TBC1D8: variants seen among roughly 807,000 people sequenced by gnomAD.
TBC1D8 encodes the protein TBC1 domain family member 8, also known as BUB2-like protein 1.
TBC1D8 carries 65 observed loss-of-function variants against 118.8 expected under a neutral mutation model. The observed-to-expected ratio is 0.55, with a 90% CI of 0.45 to 0.67. The LOEUF (loss-of-function observed/expected upper bound fraction) is 0.67, where lower values mean the gene tolerates loss of function less well. TBC1D8 is among the 30% of genes least tolerant of loss of function. TBC1D8 has a pLI of 0.00. For synonymous variants in TBC1D8, 566 were observed against 595.8 expected, an observed-to-expected ratio of 0.95 and a Z score of 0.73; for missense variants, 1,376 against 1,471.2, an observed-to-expected ratio of 0.94 and a Z score of 1.06.
intron 13 of TBC1D8, 41 bp downstream of exon 13, chr2:101,028,262 T>C: frequency 6.3e-7 from 1 of 1,590,096 alleles, no homozygotes; most frequent in African/African-American, 1.3e-5. Context: ...TCCCGGGGGG[T>C]TAGGGGCTGC....
chr2:101,096,437 A>AAC (rs1644952063), intron 1 of TBC1D8, among the ~76,000 whole-genome samples: 1 of 150,440 alleles, frequency 6.6e-6, no homozygotes, highest in Non-Finnish European at 1.5e-5. Flanking sequence ...AAAAAAAAAA[A>AAC]AAAAAAAAAA....
chr2:101,092,263 T>C (rs1372412642), intron 1 of TBC1D8, among the ~76,000 whole-genome samples: 3 of 152,234 alleles, frequency 2.0e-5, no homozygotes, highest in Admixed American at 6.5e-5. Context: ...GGCCTGGTCA[T>C]GATTAGATTC....
At chr2:101,009,891 G>A (rs371951307) in intron 19 of TBC1D8, among the ~76,000 whole-genome samples, 2,037 of 149,414 alleles carry the variant, frequency 0.014, 55 homozygotes, top group African/African-American at 0.048. Context: ...GTGCGATCTC[G>A]GCTCACTGCA....
chr2:101,117,634 C>A (rs1245742243), intron 1 of TBC1D8, among the ~76,000 whole-genome samples: 1 of 144,022 alleles, frequency 6.9e-6, no homozygotes, highest in East Asian at 2.1e-4. Context: ...AGTGCAGTGG[C>A]GCCATCTCGG....
At chr2:101,065,826 C>A (rs1682983889) in intron 2 of TBC1D8, among the ~76,000 whole-genome samples, 1 of 151,964 alleles carries the variant, frequency 6.6e-6, no homozygotes, top group African/African-American at 2.4e-5. Context: ...ATTAAAATGT[C>A]CTTGTAATAG....
At position 101,145,589 on chromosome 2, in the gene TBC1D8, C is replaced by T. The variant is rs554585442; in HGVS notation, c.127+5538G>A. Among the ~76,000 whole-genome samples, 362 of 152,314 alleles carry T rather than the reference C, an allele frequency of 2.4e-3. 4 individuals are homozygous for T. The highest frequency in any genetic ancestry group is 8.5e-3 in the African/African-American group (355 of 41,566). ...CATGCTGGACTTCATCAGTTTCCAA[C>T]CTTCTGATAAGAGTCCTTCTGAGCA... On this transcript the variant is annotated intron_variant, in intron 1 of 19. Coordinates refer to ENST00000409318, the MANE Select transcript of TBC1D8 (RefSeq NM_001330348.2).
intron 2 of TBC1D8, among the ~76,000 whole-genome samples, chr2:101,072,382 G>A (rs1674509332): frequency 1.3e-5 from 2 of 152,018 alleles, no homozygotes; most frequent in African/African-American, 2.4e-5. Context: ...AGGAGAGAGA[G>A]AGAAAAAGAG....
chr2:101,093,443 G>C (rs1676183053), intron 1 of TBC1D8, among the ~76,000 whole-genome samples: 1 of 152,062 alleles, frequency 6.6e-6, no homozygotes, highest in Admixed American at 6.6e-5. Context: ...ATAGAGAAAA[G>C]CGAGTTCACA....
intron 10 of TBC1D8, among the ~76,000 whole-genome samples, chr2:101,033,097 G>A (rs1400330433): frequency 6.6e-6 from 1 of 151,318 alleles, no homozygotes; most frequent in Non-Finnish European, 1.5e-5. Flanking sequence ...ACACATGCAC[G>A]TTTCTCTTTT....
intron 10 of TBC1D8, among the ~76,000 whole-genome samples, chr2:101,033,096 C>G (rs547556499): frequency 6.6e-6 from 1 of 151,466 alleles, no homozygotes; most frequent in Non-Finnish European, 1.5e-5. Flanking sequence ...TACACATGCA[C>G]GTTTCTCTTT....
At chr2:101,095,982 C>T (rs988179473) in intron 1 of TBC1D8, among the ~76,000 whole-genome samples, 1 of 152,184 alleles carries the variant, frequency 6.6e-6, no homozygotes, top group Non-Finnish European at 1.5e-5. Flanking sequence ...ACCTGACCAC[C>T]ACACCAACAG....
At position 101,037,542 on chromosome 2, in the gene TBC1D8, T is replaced by A. The variant is rs1247684711; in HGVS notation, c.1442A>T (p.Asp481Val). The A allele has an allele frequency of 6.2e-7, 1 of 1,611,926 alleles. No homozygotes were observed. Among genetic ancestry groups the A allele is most frequent in the Non-Finnish European group, 8.5e-7 (1 of 1,179,750 alleles). ...AFQQSGSQSP[D>V]SRMSREQIKI... Reference sequence around the variant, plus strand: ...CCAGGCGTCACCCACCATTCGGGAGTCAGGGCTCTGGCTGCCTGACTGCTG... The same window carrying A: ...CCAGGCGTCACCCACCATTCGGGAGACAGGGCTCTGGCTGCCTGACTGCTG... The change falls in exon 8 of 20, where the codon GAC (aspartate) becomes GTC (valine). Residue 481 changes from aspartate to valine, a missense_variant. Asp to Val is a radical substitution (Grantham distance 152). Transcript: ENST00000409318.
intron 1 of TBC1D8, among the ~76,000 whole-genome samples, chr2:101,113,675 G>A (rs1222455969): frequency 6.6e-6 from 1 of 152,116 alleles, no homozygotes; most frequent in Non-Finnish European, 1.5e-5. Flanking sequence ...GGAGTTTGGA[G>A]GCACTCCTGG....
rs1680992808 is a variant in TBC1D8 at position 101,036,133 on chromosome 2, G to A, written c.1488C>T (p.Asp496=). 7.4e-6 allele frequency: 12 copies of A among 1,614,010 alleles called. No homozygotes were observed. The highest frequency in any genetic ancestry group is 9.3e-6 in the Non-Finnish European group (11 of 1,179,894). ...REQIKISLWN[D]HFVEYGRTVC... Reference sequence around the variant, plus strand: ...CGGTTCTGCCGTATTCCACAAAGTGGTCATTCCACAGGCTTATTTTTATCT... The same window carrying A: ...CGGTTCTGCCGTATTCCACAAAGTGATCATTCCACAGGCTTATTTTTATCT... Residue 496 remains aspartate (D), a synonymous_variant, in exon 9 of 20, where the codon GAC becomes GAT. Transcript: ENST00000409318.
chr2:101,014,123 G>A (rs972988649), intron 17 of TBC1D8, among the ~76,000 whole-genome samples: 2 of 152,032 alleles, frequency 1.3e-5, no homozygotes, highest in Non-Finnish European at 2.9e-5. Context: ...TTGACGATTT[G>A]GATACCAGGA....
intron 4 of TBC1D8, 128 bp downstream of exon 4, chr2:101,053,980 T>C: frequency 1.3e-6 from 1 of 799,708 alleles, no homozygotes; most frequent in Non-Finnish European, 2.0e-6. Context: ...TAATCAAGTG[T>C]CACCTGGTGT....
At chr2:101,022,617 A>C in intron 15 of TBC1D8, 96 bp from the exon 16 acceptor site, 433 of 1,457,950 alleles carry the variant, frequency 3.0e-4, no homozygotes, top group Non-Finnish European at 3.5e-4. Context: ...TCACAATCTC[A>C]CCACTCTAAC....
chr2:101,050,635 A>G lies in TBC1D8; in HGVS notation c.638T>C (p.Leu213Pro). The change falls in exon 5 of 20, where the codon CTT becomes CCT. Residue 213 changes from leucine (L) to proline (P), a missense_variant. Physicochemically the swap from Leu to Pro is moderately conservative, Grantham distance 98. Coordinates refer to ENST00000409318, the MANE Select transcript of TBC1D8 (RefSeq NM_001330348.2). ...YSFFLGKELK[L>P]VVPWVDIQKL... ...CTGGATATCAACCCACGGAACCACA[A>G]GTTTAACTGTAAGAGAAAAGGGTGA... The G allele has an allele frequency of 6.2e-7, 1 of 1,613,514 alleles. No individual in the cohort carries two copies. Among genetic ancestry groups the G allele is most frequent in the Non-Finnish European group, 8.5e-7 (1 of 1,179,696 alleles).
intron 1 of TBC1D8, among the ~76,000 whole-genome samples, chr2:101,093,721 A>T (rs964679442): frequency 2.0e-5 from 3 of 151,920 alleles, no homozygotes; most frequent in Admixed American, 6.5e-5. Context: ...TCTCAGGGAA[A>T]AAAAAAGAGA....
Sources: gnomAD v4.1 joint callset for allele counts (sites outside exome capture counted in the v4.1 genomes callset) on GRCh38, gnomAD v4.1.1 for gene constraint, MANE v1.5 for transcripts, NCBI Gene and HGNC (gene_info 2026-07-23, HGNC 2026-07-21) for gene names.